The following KCNH1 variants were observed in gnomAD, a reference collection of about 807,000 sequenced individuals.
The protein encoded by KCNH1 is voltage-gated delayed rectifier potassium channel KCNH1.
Under a neutral mutation model 69.2 loss-of-function variants are expected in KCNH1, and 27 were observed. The ratio of observed to expected loss-of-function variants is 0.39; its 90% CI spans 0.29 to 0.54. The LOEUF is 0.54. KCNH1 is among the 20% of genes least tolerant of loss of function. KCNH1 has a pLI of 0.68. For synonymous variants in KCNH1, 456 were observed against 487.7 expected, an observed-to-expected ratio of 0.93 and a Z score of 0.86; for missense variants, 798 against 1,261.6, an observed-to-expected ratio of 0.63 and a Z score of 5.57.
chr1:210,952,537 T>C (rs1374609029), intron 6 of KCNH1, among the ~76,000 whole-genome samples: 1 of 152,198 alleles, frequency 6.6e-6, no homozygotes, highest in Non-Finnish European at 1.5e-5. Flanking sequence ...TACAGAGCTC[T>C]GAGCTAGAAT....
chr1:211,073,212 C>CA (rs1387945440), intron 5 of KCNH1, among the ~76,000 whole-genome samples: 1 of 151,898 alleles, frequency 6.6e-6, no homozygotes, highest in Non-Finnish European at 1.5e-5. Context: ...AATAGAGCAT[C>CA]AAAAAATGTC....
At chr1:210,690,768 C>A (rs1681511835) in intron 10 of KCNH1, among the ~76,000 whole-genome samples, 1 of 152,182 alleles carries the variant, frequency 6.6e-6, no homozygotes, top group Non-Finnish European at 1.5e-5. Context: ...GGAGGGGGCC[C>A]CAGAGGGACC....
At chr1:211,104,581 T>C (rs1471084182) in intron 2 of KCNH1, among the ~76,000 whole-genome samples, 1 of 151,932 alleles carries the variant, frequency 6.6e-6, no homozygotes, top group Non-Finnish European at 1.5e-5. Flanking sequence ...TCCAATTAAG[T>C]AGAATGAATA....
chr1:210,821,893 G>C (rs1310547924), intron 7 of KCNH1, among the ~76,000 whole-genome samples: 1 of 151,524 alleles, frequency 6.6e-6, no homozygotes, highest in Non-Finnish European at 1.5e-5. Context: ...CTGGAGTGTA[G>C]TGGCATGATC....
chr1:211,047,584 T>A (rs932063391), intron 5 of KCNH1, among the ~76,000 whole-genome samples: 10 of 152,240 alleles, frequency 6.6e-5, no homozygotes, highest in African/African-American at 2.4e-4. Flanking sequence ...AAGATCTCCA[T>A]GCCTCAGTTT....
At chr1:210,829,955 G>A (rs1685123008) in intron 7 of KCNH1, among the ~76,000 whole-genome samples, 1 of 152,108 alleles carries the variant, frequency 6.6e-6, no homozygotes, top group African/African-American at 2.4e-5. Flanking sequence ...TTTATTATGT[G>A]TCTTATCTTC....
chr1:211,068,723 G>A (rs531763118), intron 5 of KCNH1, among the ~76,000 whole-genome samples: 4 of 152,202 alleles, frequency 2.6e-5, no homozygotes, highest in Non-Finnish European at 5.9e-5. Context: ...TCAGAGAAGT[G>A]AGTGCACAGG....
intron 7 of KCNH1, among the ~76,000 whole-genome samples, chr1:210,812,310 T>C (rs1684720802): frequency 6.6e-6 from 1 of 152,142 alleles, no homozygotes; most frequent in Non-Finnish European, 1.5e-5. Context: ...TCCTTTGCTC[T>C]CTGTTTCTTT....
At chr1:210,896,175 C>A (rs769087284) in intron 7 of KCNH1, among the ~76,000 whole-genome samples, 13 of 152,110 alleles carry the variant, frequency 8.5e-5, no homozygotes, top group Non-Finnish European at 1.6e-4. Context: ...GAACTAAAAT[C>A]CACAATGATT....
intron 6 of KCNH1, among the ~76,000 whole-genome samples, chr1:211,002,259 C>T (rs1317098608): frequency 3.3e-5 from 4 of 121,620 alleles, no homozygotes; most frequent in East Asian, 2.9e-4. Context: ...TATATATATA[C>T]ACACACACAC....
At position 210,939,822 on chromosome 1, in the gene KCNH1, A is replaced by G. The variant is rs571145503; in HGVS notation, c.1033-19753T>C. Among the ~76,000 whole-genome samples, 17 of 152,342 alleles carry G rather than the reference A, an allele frequency of 1.1e-4. No individual in the cohort carries two copies. The South Asian group carries it at 2.3e-3, about 20-fold the overall frequency. ...ATATGTTCTTAACCATTTGCCCTAT[A>G]GAGTCTACCTTTAAATTCTCATCTT... On this transcript the variant is annotated intron_variant, in intron 6 of 10. Coordinates refer to ENST00000271751, the MANE Select transcript of KCNH1 (RefSeq NM_172362.3).
At position 210,859,429 on chromosome 1, in the gene KCNH1, T is replaced by G. The variant is rs1422908877; in HGVS notation, c.1463-55263A>C. The G allele has an allele frequency of 8.7e-6, 14 of 1,607,962 alleles. No homozygotes were observed. The East Asian group carries it at 3.1e-4, about 36-fold the overall frequency. On this transcript the variant is annotated intron_variant, in intron 7 of 10. Transcript: ENST00000271751. ...AAATACCTGATACTCATCAACAGGG[T>G]TATCTTCATCATCAATGATTGTGGA...
chr1:210,857,957 G>T (rs1012617758), intron 7 of KCNH1, among the ~76,000 whole-genome samples: 13 of 152,236 alleles, frequency 8.5e-5, no homozygotes, highest in African/African-American at 3.1e-4. Flanking sequence ...AAGAGGGGTA[G>T]AAGGGATGAG....
intron 6 of KCNH1, among the ~76,000 whole-genome samples, chr1:210,983,703 C>T (rs955079375): frequency 2.0e-5 from 3 of 152,082 alleles, no homozygotes; most frequent in Non-Finnish European, 2.9e-5. Context: ...AGTCAGGTAG[C>T]GTGATGTCTC....
intron 7 of KCNH1, among the ~76,000 whole-genome samples, chr1:210,836,097 G>C (rs960564395): frequency 7.6e-6 from 1 of 131,202 alleles, no homozygotes; most frequent in Non-Finnish European, 1.6e-5. Flanking sequence ...AAGCAGCAGA[G>C]CGAGTCTCCG....
At chr1:210,769,238 T>G (rs1279909522) in intron 10 of KCNH1, among the ~76,000 whole-genome samples, 1 of 152,166 alleles carries the variant, frequency 6.6e-6, no homozygotes, top group Non-Finnish European at 1.5e-5. Context: ...CCACAATAAT[T>G]TATTCAGGGA....
chr1:210,798,797 G>A (rs921794091), intron 8 of KCNH1, among the ~76,000 whole-genome samples: 2 of 152,206 alleles, frequency 1.3e-5, no homozygotes, highest in African/African-American at 4.8e-5. Context: ...TATTTTTAAT[G>A]TAGAAATGAC....
At chr1:210,758,809 G>C (rs1409401992) in intron 10 of KCNH1, among the ~76,000 whole-genome samples, 1 of 152,196 alleles carries the variant, frequency 6.6e-6, no homozygotes, top group South Asian at 2.1e-4. Flanking sequence ...CTTCTCCAGT[G>C]AATCCATCCC....
At chr1:211,100,733 G>C (rs1284135769) in intron 3 of KCNH1, among the ~76,000 whole-genome samples, 1 of 152,144 alleles carries the variant, frequency 6.6e-6, no homozygotes. Flanking sequence ...GGGTGCAAGG[G>C]GTAGAGCTCT....
Sources: gnomAD v4.1 joint callset for allele counts (sites outside exome capture counted in the v4.1 genomes callset) on GRCh38, gnomAD v4.1.1 for gene constraint, MANE v1.5 for transcripts, NCBI Gene and HGNC (gene_info 2026-07-23, HGNC 2026-07-21) for gene names.